The following ADAMTS20 variants were observed in gnomAD, a reference collection of about 807,000 sequenced individuals.
The protein encoded by ADAMTS20 is ADAM metallopeptidase with thrombospondin type 1 motif 20, also known as A disintegrin and metalloproteinase with thrombospondin motifs 20.
Under a neutral mutation model 260.1 loss-of-function variants are expected in ADAMTS20, and 225 were observed. The observed-to-expected ratio is 0.87, with a 90% CI of 0.78 to 0.97. The LOEUF is 0.97. Ranked by LOEUF, ADAMTS20 falls within the 50% of genes least tolerant of loss-of-function variation. ADAMTS20 has a pLI of 0.00. For synonymous variants in ADAMTS20, 802 were observed against 769.5 expected, an observed-to-expected ratio of 1.04 and a Z score of -0.70; for missense variants, 2,400 against 2,337.7, an observed-to-expected ratio of 1.03 and a Z score of -0.55.
chr12:43,424,344 A>G (rs2137293484), intron 28 of ADAMTS20, among the ~76,000 whole-genome samples: 1 of 152,208 alleles, frequency 6.6e-6, no homozygotes, highest in African/African-American at 2.4e-5. Flanking sequence ...AAAGTTTATG[A>G]GTTTTGTCTA....
intron 37 of ADAMTS20, among the ~76,000 whole-genome samples, chr12:43,357,303 T>C (rs1198864432): frequency 2.0e-5 from 3 of 152,208 alleles, no homozygotes; most frequent in Non-Finnish European, 4.4e-5. Context: ...AGTAGGCATA[T>C]AGATTCAGAA....
Position 43,514,560 on chromosome 12 carries a change from C to CA in ADAMTS20, c.614-12156dup, listed in dbSNP as rs58435633. Among the ~76,000 whole-genome samples, 15 of 63,656 alleles carry CA rather than the reference C, an allele frequency of 2.4e-4. 2 individuals are homozygous for CA. The highest frequency in any genetic ancestry group is 2.2e-4 in the Non-Finnish European group (9 of 40,420). 41.8% of individuals were successfully genotyped at this position (63,656 alleles called of 152,430 possible). A position where few individuals can be genotyped will look rare whatever the true frequency, so the allele number is the denominator to read the frequency against. On this transcript the variant is annotated intron_variant, in intron 3 of 38. Coordinates refer to ENST00000389420, the MANE Select transcript of ADAMTS20 (RefSeq NM_025003.5). ...CCGGTGACAGAGTGAGACTCTATCTCAAAAAAAAAAAAAAAAAAAAAAAAA... is the reference window on the plus strand; with the variant it reads ...CCGGTGACAGAGTGAGACTCTATCTCAAAAAAAAAAAAAAAAAAAAAAAAAA...
chr12:43,534,575 G>A (rs1214518672), intron 2 of ADAMTS20, among the ~76,000 whole-genome samples: 1 of 152,024 alleles, frequency 6.6e-6, no homozygotes, highest in Non-Finnish European at 1.5e-5. Context: ...TACTTCAAAA[G>A]TCCATTGATA....
chr12:43,533,528 T>TG (rs1943254910), intron 2 of ADAMTS20, among the ~76,000 whole-genome samples: 1 of 59,082 alleles, frequency 1.7e-5, no homozygotes, highest in African/African-American at 5.4e-5. Context: ...GAAGAATCAA[T>TG]ATCGTGAAAA....
chr12:43,467,280 G>A (rs1010994066), intron 8 of ADAMTS20, among the ~76,000 whole-genome samples: 1 of 151,894 alleles, frequency 6.6e-6, no homozygotes, highest in Non-Finnish European at 1.5e-5. Flanking sequence ...ACTATTTTAG[G>A]TCCATACTTC....
chr12:43,509,594 A>G (rs920956657), intron 3 of ADAMTS20, among the ~76,000 whole-genome samples: 3 of 152,296 alleles, frequency 2.0e-5, no homozygotes, highest in Admixed American at 2.0e-4. Flanking sequence ...AATATATGTC[A>G]TATATGGGTA....
At chr12:43,486,741 A>T (rs1026983047) in intron 7 of ADAMTS20, among the ~76,000 whole-genome samples, 1 of 151,090 alleles carries the variant, frequency 6.6e-6, no homozygotes, top group Non-Finnish European at 1.5e-5. Flanking sequence ...AAAACAAATA[A>T]TCCCATTAAA....
intron 3 of ADAMTS20, among the ~76,000 whole-genome samples, chr12:43,522,512 G>T (rs137968843): frequency 6.6e-6 from 1 of 152,294 alleles, no homozygotes; most frequent in African/African-American, 2.4e-5. Flanking sequence ...AGATGAGAGG[G>T]ACAGAGTGGG....
chr12:43,422,082 G>A (rs78515271), intron 28 of ADAMTS20, among the ~76,000 whole-genome samples: 3,694 of 151,982 alleles, frequency 0.024, 72 homozygotes, highest in East Asian at 0.079. Context: ...ATCATTTCAC[G>A]CTGACTAATC....
At chr12:43,439,515 T>G (rs1166992686) in intron 18 of ADAMTS20, 107 bp downstream of exon 18, 1 of 1,305,206 alleles carries the variant, frequency 7.7e-7, no homozygotes, top group Middle Eastern at 2.8e-4. Flanking sequence ...GTGGGATATG[T>G]GTATGGACAG....
chr12:43,446,421 G>A (rs12307055), intron 15 of ADAMTS20, among the ~76,000 whole-genome samples, 174 bp downstream of exon 15: 35,458 of 151,952 alleles, frequency 0.23, 4,255 homozygotes, highest in South Asian at 0.4. Flanking sequence ...GATACATCTG[G>A]TCTAATACAG....
intron 28 of ADAMTS20, chr12:43,423,666 A>G (rs1439276009): frequency 1.4e-5 from 10 of 694,944 alleles, no homozygotes; most frequent in African/African-American, 3.5e-5. Context: ...TGGATTTCCA[A>G]TCTAAGATAG....
chr12:43,452,814 T>A, intron 12 of ADAMTS20, 119 bp from the exon 13 acceptor site: 1 of 872,534 alleles, frequency 1.1e-6, no homozygotes, highest in Non-Finnish European at 1.7e-6. Flanking sequence ...CTAACACTTT[T>A]TAACAGAAGT....
At chr12:43,371,384 T>C (rs1940103784) in intron 36 of ADAMTS20, among the ~76,000 whole-genome samples, 1 of 152,204 alleles carries the variant, frequency 6.6e-6, no homozygotes, top group East Asian at 1.9e-4. Flanking sequence ...ATTATAGATA[T>C]TGCGAACACA....
At chr12:43,446,022 G>C (rs2137337912) in intron 15 of ADAMTS20, among the ~76,000 whole-genome samples, 1 of 152,156 alleles carries the variant, frequency 6.6e-6, no homozygotes, top group Admixed American at 6.5e-5. Flanking sequence ...TTAAATTATG[G>C]CCAATATGTG....
At chr12:43,414,595 T>G (rs966968575) in intron 28 of ADAMTS20, among the ~76,000 whole-genome samples, 4 of 152,006 alleles carry the variant, frequency 2.6e-5, no homozygotes, top group African/African-American at 9.7e-5. Flanking sequence ...AATAAACAAT[T>G]TAGCCATCAG....
intron 4 of ADAMTS20, among the ~76,000 whole-genome samples, chr12:43,499,486 ATTTTT>A (rs71091160): frequency 4.0e-5 from 5 of 126,096 alleles, no homozygotes; most frequent in African/African-American, 3.0e-5. Context: ...GATGATACTG[ATTTTT>A]TTTTTTTTTT....
intron 16 of ADAMTS20, among the ~76,000 whole-genome samples, chr12:43,441,152 A>G (rs1235659148): frequency 6.6e-6 from 1 of 151,954 alleles, no homozygotes; most frequent in Admixed American, 6.6e-5. Context: ...AAACGTCTAG[A>G]TCTTCTATAG....
At chr12:43,534,717 C>T (rs933475988) in intron 2 of ADAMTS20, among the ~76,000 whole-genome samples, 1 of 151,394 alleles carries the variant, frequency 6.6e-6, no homozygotes, top group Admixed American at 6.6e-5. Context: ...TACACCAAAA[C>T]AAAAAAAACT....
Sources: allele counts gnomAD v4.1 joint callset (sites outside exome capture counted in the v4.1 genomes callset), GRCh38; gene constraint gnomAD v4.1.1; transcripts MANE v1.5; gene names NCBI Gene and HGNC (gene_info 2026-07-23, HGNC 2026-07-21).